Variants in TACR1 observed in about 807,000 individuals in gnomAD.
The protein encoded by TACR1 is tachykinin receptor 1.
TACR1 carries 25 observed loss-of-function variants against 35.8 expected under a neutral mutation model. The ratio of observed to expected loss-of-function variants is 0.70; its 90% CI spans 0.51 to 0.98. The LOEUF (loss-of-function observed/expected upper bound fraction) is 0.98, where lower values mean the gene tolerates loss of function less well. Among genes scored for constraint, TACR1 ranks in the 50% least tolerant of loss-of-function variants. The pLI, the probability that TACR1 is intolerant of heterozygous loss-of-function variation, is 0.00. For missense variants in TACR1, 478 were observed against 522.9 expected (o/e 0.91, Z 0.84); for synonymous variants, 195 against 206.7 (o/e 0.94, Z 0.48).
chr2:75,198,211 G>C (rs1442706498), intron 1 of TACR1, among the ~76,000 whole-genome samples: 1 of 152,168 alleles, frequency 6.6e-6, no homozygotes, highest in Non-Finnish European at 1.5e-5. Flanking sequence ...AGCCTGCAAG[G>C]GTAAAGGGGA....
intron 1 of TACR1, among the ~76,000 whole-genome samples, chr2:75,186,285 A>G (rs1572989255): frequency 6.7e-6 from 1 of 148,900 alleles, no homozygotes; most frequent in African/African-American, 2.5e-5. Context: ...GGCAGGAGAA[A>G]TGCTTGAACC....
chr2:75,125,064 T>A (rs191864201), intron 1 of TACR1, among the ~76,000 whole-genome samples: 4 of 152,250 alleles, frequency 2.6e-5, no homozygotes, highest in Non-Finnish European at 5.9e-5. Context: ...CTTGGCCCAG[T>A]CATCATGTCC....
At chr2:75,111,840 G>A (rs1210142628) in intron 2 of TACR1, among the ~76,000 whole-genome samples, 2 of 151,924 alleles carry the variant, frequency 1.3e-5, no homozygotes, top group African/African-American at 4.8e-5. Flanking sequence ...TAAAGTGGTA[G>A]GGGTAGAAAC....
At chr2:75,149,916 C>A (rs1427095016) in intron 1 of TACR1, among the ~76,000 whole-genome samples, 2 of 152,152 alleles carry the variant, frequency 1.3e-5, no homozygotes, top group African/African-American at 4.8e-5. Context: ...TATGTTCCGT[C>A]AATACCTAGT....
chr2:75,150,998 C>T (rs1282029291), intron 1 of TACR1, among the ~76,000 whole-genome samples: 1 of 152,152 alleles, frequency 6.6e-6, no homozygotes, highest in Non-Finnish European at 1.5e-5. Flanking sequence ...ATTTGTGGAA[C>T]TTTGAACTTG....
chr2:75,192,489 C>A (rs1247105320), intron 1 of TACR1, among the ~76,000 whole-genome samples: 2 of 152,166 alleles, frequency 1.3e-5, no homozygotes, highest in Non-Finnish European at 2.9e-5. Flanking sequence ...GGTACTCTTA[C>A]AATGGCCCTG....
chr2:75,159,496 A>G (rs1317181792), intron 1 of TACR1, among the ~76,000 whole-genome samples: 2 of 152,322 alleles, frequency 1.3e-5, no homozygotes, highest in East Asian at 1.9e-4. Context: ...TATGCCAGGA[A>G]ACAGGAAGAA....
chr2:75,056,672 G>A (rs1004052605), intron 2 of TACR1, among the ~76,000 whole-genome samples: 3 of 152,134 alleles, frequency 2.0e-5, no homozygotes, highest in African/African-American at 7.2e-5. Context: ...TTCCCTTTGT[G>A]AAATCACAGA....
chr2:75,084,318 A>T (rs913481180), intron 2 of TACR1, among the ~76,000 whole-genome samples: 1 of 152,152 alleles, frequency 6.6e-6, no homozygotes, highest in Non-Finnish European at 1.5e-5. Context: ...GTGCTGCTGG[A>T]TTCGGTTTGC....
At chr2:75,052,735 A>G (rs866509346) in intron 3 of TACR1, among the ~76,000 whole-genome samples, 1 of 152,130 alleles carries the variant, frequency 6.6e-6, no homozygotes, top group African/African-American at 2.4e-5. Flanking sequence ...ACAGATAACA[A>G]TGGTTACCAT....
At chr2:75,071,384 C>T (rs1043597188) in intron 2 of TACR1, among the ~76,000 whole-genome samples, 2 of 152,232 alleles carry the variant, frequency 1.3e-5, no homozygotes, top group African/African-American at 4.8e-5. Flanking sequence ...TCTTATCCTT[C>T]TTCAAGGTCC....
chr2:75,091,571 G>T (rs1446123301), intron 2 of TACR1, among the ~76,000 whole-genome samples: 1 of 152,184 alleles, frequency 6.6e-6, no homozygotes, highest in African/African-American at 2.4e-5. Flanking sequence ...ACTTGCTTAA[G>T]TGAGTCTGTT....
At chr2:75,143,675 C>G (rs969465062) in intron 1 of TACR1, among the ~76,000 whole-genome samples, 1 of 152,178 alleles carries the variant, frequency 6.6e-6, no homozygotes, top group Non-Finnish European at 1.5e-5. Context: ...GGTCTCATGA[C>G]TAGTGATATT....
chr2:75,082,609 T>C (rs1226886793), intron 2 of TACR1, among the ~76,000 whole-genome samples: 1 of 152,232 alleles, frequency 6.6e-6, no homozygotes, highest in African/African-American at 2.4e-5. Context: ...TTTTTAATGA[T>C]TGCCATTCTA....
chr2:75,179,732 T>G (rs1039390222), intron 1 of TACR1, among the ~76,000 whole-genome samples: 3 of 152,190 alleles, frequency 2.0e-5, no homozygotes, highest in African/African-American at 7.2e-5. Context: ...TCCTTAAATG[T>G]AGCAACCAAG....
intron 4 of TACR1, 21 bp downstream of exon 4, chr2:75,051,230 T>C: frequency 6.2e-7 from 1 of 1,614,030 alleles, no homozygotes; most frequent in Admixed American, 1.7e-5. Flanking sequence ...CCTGGAGAGC[T>C]CATGGGGTTG....
intron 1 of TACR1, among the ~76,000 whole-genome samples, chr2:75,176,171 GA>G (rs1675413923): frequency 6.6e-6 from 1 of 151,928 alleles, no homozygotes. Context: ...TTTCCATATT[GA>G]AAAGCAGAGT....
At chr2:75,085,701 C>T (rs1420979320) in intron 2 of TACR1, among the ~76,000 whole-genome samples, 1 of 152,082 alleles carries the variant, frequency 6.6e-6, no homozygotes, top group East Asian at 1.9e-4. Flanking sequence ...AGGGTAATAA[C>T]GGTGACCTGG....
chr2:75,154,152 T>C (rs1007306431), intron 1 of TACR1, among the ~76,000 whole-genome samples: 1 of 152,146 alleles, frequency 6.6e-6, no homozygotes, highest in Admixed American at 6.5e-5. Flanking sequence ...AAGCTGAGCC[T>C]GCTGCTGCCT....
Sources: gnomAD v4.1 joint callset for allele counts (sites outside exome capture counted in the v4.1 genomes callset) on GRCh38, gnomAD v4.1.1 for gene constraint, MANE v1.5 for transcripts, NCBI Gene and HGNC (gene_info 2026-07-23, HGNC 2026-07-21) for gene names.